The following RGS22 variants were observed in gnomAD, a reference collection of about 807,000 sequenced individuals.
RGS22 encodes the protein regulator of G protein signaling 22.
In RGS22, 148 loss-of-function variants were observed where a neutral mutation model predicts 172.9. The observed-to-expected ratio is 0.86, with a 90% confidence interval of 0.75 to 0.98. The LOEUF (loss-of-function observed/expected upper bound fraction) is 0.98, where lower values mean the gene tolerates loss of function less well. Ranked by LOEUF, RGS22 falls within the 50% of genes least tolerant of loss-of-function variation. The probability of loss-of-function intolerance (pLI) is 0.00; values close to 1 mark genes in which losing one functional copy is unlikely to be tolerated. For missense variants in RGS22, 1,347 were observed against 1,440.8 expected, an observed-to-expected ratio of 0.93 and a Z score of 1.05; for synonymous variants, 458 against 480.2, an observed-to-expected ratio of 0.95 and a Z score of 0.60.
At chr8:99,968,433 T>C (rs1316052802) in intron 23 of RGS22, among the ~76,000 whole-genome samples, 2 of 152,064 alleles carry the variant, frequency 1.3e-5, no homozygotes, top group African/African-American at 4.8e-5. Context: ...AACAAACTCT[T>C]CTGAGCTAAA....
At chr8:100,053,446 AAGGG>A (rs201732416) in intron 9 of RGS22, among the ~76,000 whole-genome samples, 1 of 108,822 alleles carries the variant, frequency 9.2e-6, no homozygotes, top group Non-Finnish European at 1.8e-5. Context: ...GGAAGGAAGG[AAGGG>A]AGGGAGGGAG....
Position 100,072,230 on chromosome 8 carries a change from A to G in RGS22, c.340T>C (p.Cys114Arg). The G allele has an allele frequency of 3.2e-6, 5 of 1,566,246 alleles. No homozygotes were observed. Among genetic ancestry groups the G allele is most frequent in the Non-Finnish European group, 4.3e-6 (5 of 1,155,542 alleles). Residue 114 changes from cysteine to arginine, a missense_variant and splice_region_variant, in exon 5 of 28, where the codon TGT becomes CGT. Physicochemically the swap from Cys to Arg is radical, Grantham distance 180. Transcript: ENST00000360863. ...TTAATACCTTCTTCACGACTGAGAC[A>G]CTATGAGAAGAAAGAGAAAAAGAAA... ...ETINVNYNIM[C>R]LSREEGIKWI... is the part of the protein sequence containing the mutation.
In RGS22 at chr8:99,962,444, C is replaced by G. The variant is rs1810303963; in HGVS notation, c.3791-1G>C. On this transcript the variant is annotated splice_acceptor_variant, in intron 26 of 27. Coordinates refer to ENST00000360863, the MANE Select transcript of RGS22 (RefSeq NM_015668.5). LOFTEE classifies it high-confidence loss of function. ...AAACATTCACAAGAATGCTGTCACT[C>G]TGGAAAAGACATGAAGTTTTATGTA... 1 of 1,613,502 alleles carries G rather than the reference C, an allele frequency of 6.2e-7. No individual in the cohort carries two copies. The highest frequency in any genetic ancestry group is 8.5e-7 in the Non-Finnish European group (1 of 1,179,466).
chr8:100,079,352 A>G (rs1811585276), intron 4 of RGS22, among the ~76,000 whole-genome samples: 2 of 152,274 alleles, frequency 1.3e-5, no homozygotes, highest in South Asian at 2.1e-4. Context: ...TAGTTTGATG[A>G]AAGTTAAAGA....
intron 14 of RGS22, among the ~76,000 whole-genome samples, chr8:100,032,637 G>T: frequency 6.6e-6 from 1 of 152,040 alleles, no homozygotes; most frequent in African/African-American, 2.4e-5. Flanking sequence ...AGATATTCAG[G>T]GCTTGAACTC....
At chr8:100,018,703 TACG>T (rs949594891) in intron 14 of RGS22, among the ~76,000 whole-genome samples, 6 of 152,230 alleles carry the variant, frequency 3.9e-5, no homozygotes, top group Admixed American at 2.6e-4. Flanking sequence ...CGATTTAAAA[TACG>T]ACATTTCCCA....
intron 14 of RGS22, chr8:100,038,513 A>G (rs762459631): frequency 5.8e-5 from 9 of 155,736 alleles, no homozygotes; most frequent in African/African-American, 9.7e-5. Flanking sequence ...ACAGCCTAGT[A>G]TGTCCAACAG....
chr8:99,965,279 T>C, intron 24 of RGS22, 56 bp downstream of exon 24: 1 of 1,144,938 alleles, frequency 8.7e-7, no homozygotes, highest in Non-Finnish European at 1.3e-6. Context: ...GTTACTGCAT[T>C]CCACTATCCA....
At chr8:100,041,189 T>A (rs1820063442) in intron 12 of RGS22, among the ~76,000 whole-genome samples, 1 of 152,124 alleles carries the variant, frequency 6.6e-6, no homozygotes, top group African/African-American at 2.4e-5. Context: ...ACCCTGCCCT[T>A]TAAAAATTCT....
intron 7 of RGS22, among the ~76,000 whole-genome samples, chr8:100,065,737 A>T (rs1008562144): frequency 2.0e-5 from 3 of 151,502 alleles, no homozygotes; most frequent in African/African-American, 4.9e-5. Flanking sequence ...TCCATCAATA[A>T]TTTTTTTTTA....
chr8:99,993,761 T>C (rs1404445907), intron 20 of RGS22, among the ~76,000 whole-genome samples: 1 of 152,168 alleles, frequency 6.6e-6, no homozygotes, highest in Non-Finnish European at 1.5e-5. Context: ...CCTAACTCGT[T>C]TTATGAGGCC....
intron 14 of RGS22, among the ~76,000 whole-genome samples, chr8:100,015,941 G>T (rs1280461963): frequency 3.9e-5 from 6 of 152,176 alleles, no homozygotes; most frequent in African/African-American, 1.2e-4. Context: ...GGACAGTCAT[G>T]TGTCCCTACT....
chr8:99,992,171 G>A (rs1813814751), intron 20 of RGS22, among the ~76,000 whole-genome samples: 2 of 152,134 alleles, frequency 1.3e-5, no homozygotes, highest in Admixed American at 1.3e-4. Context: ...CATGCCAAAA[G>A]TAAAGACCAT....
chr8:99,964,477 CAAAAAAA>C (rs34613354), intron 24 of RGS22, among the ~76,000 whole-genome samples: 1 of 55,260 alleles, frequency 1.8e-5, no homozygotes, highest in Non-Finnish European at 3.8e-5. Context: ...GACCCTGTCT[CAAAAAAA>C]AAAAAAAAAA....
intron 15 of RGS22, among the ~76,000 whole-genome samples, 162 bp downstream of exon 15, chr8:100,008,213 T>C (rs1355326165): frequency 1.3e-5 from 2 of 151,974 alleles, no homozygotes; most frequent in African/African-American, 2.4e-5. Flanking sequence ...AATTTTTGTA[T>C]TTTTAGTACA....
intron 14 of RGS22, among the ~76,000 whole-genome samples, chr8:100,027,236 C>CA (rs1227050999): frequency 4.2e-4 from 61 of 145,136 alleles, no homozygotes; most frequent in Middle Eastern, 3.5e-3. Context: ...GACCTTGTCT[C>CA]AAAAAAAAAA....
At chr8:100,033,065 G>A (rs1028225654) in intron 14 of RGS22, among the ~76,000 whole-genome samples, 7 of 152,086 alleles carry the variant, frequency 4.6e-5, no homozygotes, top group Non-Finnish European at 8.8e-5. Context: ...AGAGAAAGCA[G>A]GAAAGACCTA....
chr8:100,069,301 C>A lies in RGS22; in HGVS notation c.594+2068G>T, dbSNP rs916589550. On this transcript the variant is annotated intron_variant, in intron 6 of 27. Transcript: ENST00000360863. ...ATCCTAGCTCAGCAGAAAAAATTTC[C>A]ACAATTGATTAACAATATCTGTCAT... 3.2e-4 allele frequency among the ~76,000 whole-genome samples: 49 copies of A among 152,138 alleles called. 1 individual carries two copies. The highest frequency in any genetic ancestry group is 6.5e-4 in the Non-Finnish European group (44 of 68,036).
rs372872103 is a variant in RGS22 at position 100,057,544 on chromosome 8, C to A, written c.1515-4568G>T. On this transcript the variant is annotated intron_variant, in intron 9 of 27. Transcript: ENST00000360863. ...AGGTAATGGAATCGTGTGGGTGGGT[C>A]TTTCCCATGCTGGTCTTGTGGTAGT... Among the ~76,000 whole-genome samples, 34 of 152,220 alleles carry A rather than the reference C, an allele frequency of 2.2e-4. No homozygotes were observed. The South Asian group carries it at 7.1e-3, about 32-fold the overall frequency.
Sources: gnomAD v4.1 joint callset for allele counts (sites outside exome capture counted in the v4.1 genomes callset) on GRCh38, gnomAD v4.1.1 for gene constraint, MANE v1.5 for transcripts, NCBI Gene and HGNC (gene_info 2026-07-23, HGNC 2026-07-21) for gene names.